CMSS1: variants seen among roughly 807,000 people sequenced by gnomAD.
CMSS1 encodes cms1 ribosomal small subunit homolog.
In CMSS1, 33 loss-of-function variants were observed where a neutral mutation model predicts 43.5. That is an observed-to-expected ratio of 0.76 (90% confidence interval 0.57 to 1.01). The LOEUF (loss-of-function observed/expected upper bound fraction) is 1.01, where lower values mean the gene tolerates loss of function less well. Ranked by LOEUF, CMSS1 falls within the 50% of genes least tolerant of loss-of-function variation. The probability of loss-of-function intolerance (pLI) is 0.00; values close to 1 mark genes in which losing one functional copy is unlikely to be tolerated. For synonymous variants in CMSS1, 115 were observed against 117.2 expected, an observed-to-expected ratio of 0.98 and a Z score of 0.12; for missense variants, 313 against 326.4, an observed-to-expected ratio of 0.96 and a Z score of 0.32.
chr3:99,837,069 C>A (rs998040999), intron 1 of CMSS1, among the ~76,000 whole-genome samples: 4 of 152,198 alleles, frequency 2.6e-5, no homozygotes, highest in Non-Finnish European at 4.4e-5. Context: ...TCCTTAGAAG[C>A]TATAATCAGC....
intron 1 of CMSS1, among the ~76,000 whole-genome samples, chr3:100,034,081 A>T (rs945458667): frequency 6.6e-6 from 1 of 152,210 alleles, no homozygotes; most frequent in Non-Finnish European, 1.5e-5. Flanking sequence ...CCGTTAATAC[A>T]CTTAAGAAAA....
intron 1 of CMSS1, among the ~76,000 whole-genome samples, chr3:99,922,153 G>C (rs1707145229): frequency 6.6e-6 from 1 of 152,192 alleles, no homozygotes; most frequent in African/African-American, 2.4e-5. Flanking sequence ...GCAACACTCT[G>C]ACCGTGATCA....
intron 1 of CMSS1, chr3:99,924,337 T>G: frequency 6.2e-7 from 1 of 1,614,118 alleles, no homozygotes; most frequent in Non-Finnish European, 8.5e-7. Context: ...GCCTACGGGA[T>G]TTTTCTGCCA....
Position 99,848,763 on chromosome 3 carries a change from T to G in CMSS1, c.64+30720T>G, listed in dbSNP as rs200458263. The G allele has an allele frequency of 1.2e-5, 19 of 1,614,188 alleles. No homozygotes were observed. In the Admixed American group the frequency reaches 1.7e-4, roughly 14 times the overall value. ...TTGCCATGGTAATTGGGGACATGCC[T>G]TGTTCTAAATTCATGAGGTCTTCGG... On this transcript the variant is annotated intron_variant, in intron 1 of 9. Coordinates refer to ENST00000421999, the MANE Select transcript of CMSS1 (RefSeq NM_032359.4).
At chr3:100,111,602 G>A (rs1440556218) in intron 1 of CMSS1, among the ~76,000 whole-genome samples, 2 of 152,156 alleles carry the variant, frequency 1.3e-5, no homozygotes, top group Non-Finnish European at 2.9e-5. Flanking sequence ...TGCTCTTTCA[G>A]TGTAGGCTCC....
chr3:99,861,041 C>T (rs546706651), intron 1 of CMSS1, among the ~76,000 whole-genome samples: 1 of 152,164 alleles, frequency 6.6e-6, no homozygotes, highest in Non-Finnish European at 1.5e-5. Flanking sequence ...AGAGTCTACT[C>T]ATTTTTCTCA....
chr3:100,160,566 A>T (rs2067015105), intron 3 of CMSS1, 65 bp downstream of exon 3: 7 of 795,470 alleles, frequency 8.8e-6, no homozygotes, highest in South Asian at 1.6e-5. Context: ...TTTATATATC[A>T]TACTTTCTTG....
chr3:99,890,484 A>G (rs561003067), intron 1 of CMSS1, among the ~76,000 whole-genome samples: 2 of 152,230 alleles, frequency 1.3e-5, no homozygotes, highest in East Asian at 3.9e-4. Context: ...CTTATAACCT[A>G]GATTAGACAC....
chr3:100,105,954 C>T (rs2066388004), intron 1 of CMSS1, among the ~76,000 whole-genome samples: 1 of 152,132 alleles, frequency 6.6e-6, no homozygotes, highest in Non-Finnish European at 1.5e-5. Context: ...GGAAGTCATT[C>T]AATTCACATA....
intron 1 of CMSS1, among the ~76,000 whole-genome samples, chr3:100,054,284 A>T (rs1037123467): frequency 1.3e-5 from 2 of 152,268 alleles, no homozygotes; most frequent in Middle Eastern, 3.4e-3. Flanking sequence ...TTTTGAAAGA[A>T]CATGAGTTAG....
intron 1 of CMSS1, chr3:99,929,803 C>A (rs1707417831): frequency 7.4e-7 from 1 of 1,351,486 alleles, no homozygotes; most frequent in Non-Finnish European, 1.0e-6. Flanking sequence ...TGCTCATCTG[C>A]AGGGCTAGTG....
intron 1 of CMSS1, among the ~76,000 whole-genome samples, chr3:99,991,834 A>ATGTG (rs1374667949): frequency 0.011 from 970 of 84,468 alleles, 17 homozygotes; most frequent in African/African-American, 0.035. Context: ...GTATATATAT[A>ATGTG]TATGTGTGTG....
At chr3:99,820,443 C>T (rs1367401080) in intron 1 of CMSS1, among the ~76,000 whole-genome samples, 2 of 152,174 alleles carry the variant, frequency 1.3e-5, no homozygotes, top group Non-Finnish European at 2.9e-5. Context: ...GTGATCTGCT[C>T]GCCTTGGCCT....
intron 1 of CMSS1, among the ~76,000 whole-genome samples, chr3:99,989,680 ATATAT>A (rs991210049): frequency 1.4e-4 from 19 of 133,506 alleles, no homozygotes; most frequent in African/African-American, 6.0e-4. Context: ...ATATATATAT[ATATAT>A]TTTTTTTCTT....
At chr3:100,150,362 T>C (rs2066896295) in intron 2 of CMSS1, among the ~76,000 whole-genome samples, 2 of 152,248 alleles carry the variant, frequency 1.3e-5, no homozygotes, top group South Asian at 4.1e-4. Context: ...AATGTTATGC[T>C]ATATTTAAAT....
chr3:100,007,143 A>C (rs560602436), intron 1 of CMSS1, among the ~76,000 whole-genome samples: 44 of 152,292 alleles, frequency 2.9e-4, no homozygotes, highest in African/African-American at 1.0e-3. Flanking sequence ...TAAATGTTTG[A>C]AATGGGAAGA....
chr3:99,837,009 C>G (rs1266298218), intron 1 of CMSS1, among the ~76,000 whole-genome samples: 1 of 152,142 alleles, frequency 6.6e-6, no homozygotes, highest in Non-Finnish European at 1.5e-5. Flanking sequence ...ATAGGTTTGG[C>G]CTAAAAAAAT....
At chr3:100,152,153 T>C (rs556007229) in intron 2 of CMSS1, among the ~76,000 whole-genome samples, 2 of 152,296 alleles carry the variant, frequency 1.3e-5, no homozygotes, top group South Asian at 4.1e-4. Context: ...TTCTCCATGG[T>C]TCTTGGCTCT....
chr3:99,886,946 G>A (rs1405613104), intron 1 of CMSS1, among the ~76,000 whole-genome samples: 1 of 148,138 alleles, frequency 6.8e-6, no homozygotes, highest in Non-Finnish European at 1.5e-5. Context: ...CTCCAGCCTG[G>A]GCAGCAGAGG....
Sources: allele counts gnomAD v4.1 joint callset (sites outside exome capture counted in the v4.1 genomes callset), GRCh38; gene constraint gnomAD v4.1.1; transcripts MANE v1.5; gene names NCBI Gene and HGNC (gene_info 2026-07-23, HGNC 2026-07-21).